Variants in KCNB2 observed in about 807,000 individuals in gnomAD.
KCNB2 encodes the protein delayed rectifier potassium channel protein.
A neutral mutation model predicts 61.5 loss-of-function variants in KCNB2; 15 were observed. That is an observed-to-expected ratio of 0.24 (90% CI 0.16 to 0.38). KCNB2 has a LOEUF of 0.38. Among genes scored for constraint, KCNB2 ranks in the 10% least tolerant of loss-of-function variants. The pLI is 1.00. For synonymous variants in KCNB2, 457 were observed against 446.0 expected (o/e 1.02, Z -0.31); for missense variants, 828 against 1,125.2 (o/e 0.74, Z 3.78).
chr8:72,646,093 T>C (rs1057370012), intron 2 of KCNB2, among the ~76,000 whole-genome samples: 7 of 152,212 alleles, frequency 4.6e-5, no homozygotes, highest in African/African-American at 1.7e-4. Context: ...GAATCAACTG[T>C]GTTTTTACTA....
At chr8:72,851,145 T>A (rs1331177338) in intron 2 of KCNB2, among the ~76,000 whole-genome samples, 2 of 152,302 alleles carry the variant, frequency 1.3e-5, no homozygotes, top group Non-Finnish European at 2.9e-5. Flanking sequence ...ACTGGCTCTT[T>A]CTATGGAATG....
intron 2 of KCNB2, among the ~76,000 whole-genome samples, chr8:72,895,333 G>C (rs1330927458): frequency 6.6e-6 from 1 of 152,216 alleles, no homozygotes; most frequent in South Asian, 2.1e-4. Flanking sequence ...GCAGACAGCT[G>C]TAGAAAGATG....
intron 2 of KCNB2, among the ~76,000 whole-genome samples, chr8:72,571,982 T>C (rs752514389): frequency 2.6e-5 from 4 of 152,188 alleles, no homozygotes; most frequent in Non-Finnish European, 4.4e-5. Flanking sequence ...ATATTGCATA[T>C]AGTGACTTCA....
chr8:72,734,068 T>C (rs573002087), intron 2 of KCNB2, among the ~76,000 whole-genome samples: 15 of 152,360 alleles, frequency 9.8e-5, no homozygotes, highest in African/African-American at 3.4e-4. Context: ...ATTTATCATC[T>C]GCAATCTGGA....
At chr8:72,656,254 A>T (rs1806289220) in intron 2 of KCNB2, among the ~76,000 whole-genome samples, 1 of 152,150 alleles carries the variant, frequency 6.6e-6, no homozygotes, top group Admixed American at 6.6e-5. Flanking sequence ...ATCAAGGCAA[A>T]AGATTAAAAA....
At chr8:72,740,094 C>T (rs552408762) in intron 2 of KCNB2, among the ~76,000 whole-genome samples, 45 of 152,236 alleles carry the variant, frequency 3.0e-4, no homozygotes, top group Non-Finnish European at 5.4e-4. Context: ...TCCTTGTGAA[C>T]GTATGTGTTG....
chr8:72,808,458 A>G (rs191633088), intron 2 of KCNB2, among the ~76,000 whole-genome samples: 10 of 152,312 alleles, frequency 6.6e-5, no homozygotes, highest in Admixed American at 6.5e-4. Context: ...TGGACAACTC[A>G]GTAAATGTTT....
At chr8:72,696,089 G>C (rs1204618556) in intron 2 of KCNB2, among the ~76,000 whole-genome samples, 1 of 152,326 alleles carries the variant, frequency 6.6e-6, no homozygotes, top group South Asian at 2.1e-4. Context: ...GTGTAACCTT[G>C]TCAGGAGACG....
At chr8:72,787,646 GGT>G (rs1170620220) in intron 2 of KCNB2, among the ~76,000 whole-genome samples, 1 of 152,024 alleles carries the variant, frequency 6.6e-6, no homozygotes, top group African/African-American at 2.4e-5. Flanking sequence ...GATTGGAAAT[GGT>G]AGATTTCAGA....
At chr8:72,551,527 G>A (rs549912744) in intron 1 of KCNB2, among the ~76,000 whole-genome samples, 5 of 152,180 alleles carry the variant, frequency 3.3e-5, no homozygotes, top group South Asian at 2.1e-4. Flanking sequence ...CTAGAAGGCC[G>A]TCTCGCATAG....
chr8:72,810,076 A>G (rs1474596359), intron 2 of KCNB2, among the ~76,000 whole-genome samples: 1 of 152,152 alleles, frequency 6.6e-6, no homozygotes, highest in Non-Finnish European at 1.5e-5. Flanking sequence ...CCTAGAATGT[A>G]GGTGGGTGTG....
At chr8:72,759,353 G>A (rs1394480916) in intron 2 of KCNB2, among the ~76,000 whole-genome samples, 1 of 152,106 alleles carries the variant, frequency 6.6e-6, no homozygotes, top group African/African-American at 2.4e-5. Flanking sequence ...TATCTTAATG[G>A]GAATTTATGA....
At chr8:72,598,676 T>C (rs1218248467) in intron 2 of KCNB2, among the ~76,000 whole-genome samples, 3 of 152,348 alleles carry the variant, frequency 2.0e-5, no homozygotes, top group Non-Finnish European at 4.4e-5. Flanking sequence ...TGTTTGCAGA[T>C]GACATGATTG....
chr8:72,596,793 G>A (rs1807198664), intron 2 of KCNB2, among the ~76,000 whole-genome samples: 1 of 151,986 alleles, frequency 6.6e-6, no homozygotes, highest in East Asian at 1.9e-4. Context: ...TTCCATCATT[G>A]TTGCCATGAA....
chr8:72,658,765 A>G (rs1806333107), intron 2 of KCNB2, among the ~76,000 whole-genome samples: 1 of 152,228 alleles, frequency 6.6e-6, no homozygotes. Context: ...TGGGGCTTTA[A>G]GCATGATGCT....
chr8:72,822,278 C>T (rs911244049), intron 2 of KCNB2, among the ~76,000 whole-genome samples: 1 of 152,214 alleles, frequency 6.6e-6, no homozygotes, highest in Non-Finnish European at 1.5e-5. Flanking sequence ...CTTTATGTTT[C>T]CTCCCTTCTG....
intron 2 of KCNB2, among the ~76,000 whole-genome samples, chr8:72,680,646 C>A (rs775658344): frequency 1.3e-5 from 2 of 152,110 alleles, no homozygotes; most frequent in Non-Finnish European, 2.9e-5. Context: ...GACTCTGAGA[C>A]CTCATCTATA....
chr8:72,772,331 T>C (rs1808574686), intron 2 of KCNB2, among the ~76,000 whole-genome samples: 1 of 152,242 alleles, frequency 6.6e-6, no homozygotes, highest in Non-Finnish European at 1.5e-5. Flanking sequence ...CATCATAGGC[T>C]GCAGCATCCC....
At chr8:72,663,235 A>G (rs1554582558) in intron 2 of KCNB2, among the ~76,000 whole-genome samples, 1 of 152,182 alleles carries the variant, frequency 6.6e-6, no homozygotes, top group Non-Finnish European at 1.5e-5. Context: ...ATTATAACCC[A>G]TTTTTTTAAA....
Sources: gnomAD v4.1 joint callset for allele counts (sites outside exome capture counted in the v4.1 genomes callset) on GRCh38, gnomAD v4.1.1 for gene constraint, MANE v1.5 for transcripts, NCBI Gene and HGNC (gene_info 2026-07-23, HGNC 2026-07-21) for gene names.